HIVEP3: variants seen among roughly 807,000 people sequenced by gnomAD.
The protein encoded by HIVEP3 is transcription factor HIVEP3.
A neutral mutation model predicts 152.8 loss-of-function variants in HIVEP3; 49 were observed. That is an observed-to-expected ratio of 0.32 (90% CI 0.26 to 0.41). The LOEUF is 0.41. Among genes scored for constraint, HIVEP3 ranks in the 10% least tolerant of loss-of-function variants. HIVEP3 has a pLI of 1.00. For synonymous variants in HIVEP3, 1,269 were observed against 1,289.0 expected (o/e 0.98, Z 0.33); for missense variants, 2,790 against 3,103.3 (o/e 0.90, Z 2.40).
chr1:41,649,751 G>A (rs1169985461), intron 2 of HIVEP3, among the ~76,000 whole-genome samples: 1 of 152,202 alleles, frequency 6.6e-6, no homozygotes, highest in Non-Finnish European at 1.5e-5. Context: ...CCCTGGGGAT[G>A]AGTTCCAGAC....
At chr1:41,857,885 A>G (rs766567261) in intron 1 of HIVEP3, among the ~76,000 whole-genome samples, 1 of 152,188 alleles carries the variant, frequency 6.6e-6, no homozygotes, top group Non-Finnish European at 1.5e-5. Context: ...GAAAGCAAGG[A>G]CAACCTGGAT....
chr1:41,778,950 G>C lies in HIVEP3; in HGVS notation c.-800-77955C>G, dbSNP rs1326320483. Among the ~76,000 whole-genome samples the C allele has an allele frequency of 2.0e-5, 3 of 152,320 alleles. No homozygotes were observed. The South Asian group carries it at 6.2e-4, about 32-fold the overall frequency. On this transcript the variant is annotated intron_variant, in intron 1 of 8. Coordinates refer to ENST00000372583, the MANE Select transcript of HIVEP3 (RefSeq NM_024503.5). ...ATCTGAGGGAAGAGCATCACAGGTG[G>C]AGGAAACAGCATATGCATATGGCCT...
rs1228326538 is a variant in HIVEP3, at chr1:41,965,905, A to C, written n.120-47381T>G. 3.9e-5 allele frequency among the ~76,000 whole-genome samples: 6 copies of C among 152,306 alleles called. No individual in the cohort carries two copies. In the East Asian group the frequency reaches 1.2e-3, roughly 29 times the overall value. ...CTCCAGTAAAATACTCCATGAGAAG[A>C]TCAACCCCAAGACACATTATCGTCA... On this transcript the variant is annotated intron_variant and non_coding_transcript_variant, in intron 1 of 3. Coordinates refer to the HIVEP3 transcript ENST00000489103.
At chr1:41,782,170 C>A (rs1649084615) in intron 1 of HIVEP3, among the ~76,000 whole-genome samples, 1 of 152,216 alleles carries the variant, frequency 6.6e-6, no homozygotes, top group African/African-American at 2.4e-5. Flanking sequence ...ATGTGTGAAT[C>A]TTGAAGATAT....
chr1:41,527,435 A>C (rs1166436868), intron 5 of HIVEP3, among the ~76,000 whole-genome samples: 24 of 79,746 alleles, frequency 3.0e-4, no homozygotes, highest in Admixed American at 5.1e-4. Context: ...CACACTCCAC[A>C]CCCCACCCTC....
intron 1 of HIVEP3, among the ~76,000 whole-genome samples, chr1:41,866,843 G>A (rs1375304567): frequency 2.0e-5 from 3 of 152,178 alleles, no homozygotes; most frequent in Admixed American, 2.0e-4. Context: ...ACAGATCACT[G>A]AAAAATCTGG....
In HIVEP3 at chr1:41,635,497, CAT is replaced by C. The variant is rs1186486630; in HGVS notation, c.-720-6552_-720-6551del. Among the ~76,000 whole-genome samples, 163 of 116,618 alleles carry C rather than the reference CAT, an allele frequency of 1.4e-3. 12 individuals are homozygous for C. The highest frequency in any genetic ancestry group is 0.013 in the South Asian group (47 of 3,760). 76.5% of individuals were successfully genotyped at this position (116,618 alleles called of 152,430 possible). On this transcript the variant is annotated intron_variant, in intron 2 of 8. Transcript: ENST00000372583. ...ACAACTATATATATATATACACACACATATATACATATATAGCTGCATATATA... is the reference window on the plus strand; with the variant it reads ...ACAACTATATATATATATACACACACATATACATATATAGCTGCATATATA...
intron 1 of HIVEP3, among the ~76,000 whole-genome samples, chr1:41,707,645 T>TTGGGTGTA (rs1646454385): frequency 1.3e-5 from 2 of 151,948 alleles, no homozygotes; most frequent in Non-Finnish European, 2.9e-5. Flanking sequence ...GATGGTACAG[T>TTGGGTGTA]GAAGTCACTA....
rs139742433 is a variant in HIVEP3, at chr1:41,513,317, C to T, written c.5904G>A (p.Pro1968=). The T allele has an allele frequency of 5.8e-5, 93 of 1,612,978 alleles. No individual in the cohort carries two copies. The African/African-American group carries it at 7.7e-4, about 13-fold the overall frequency. The stretch of plus-strand genomic sequence containing the variant: ...TGCCTGCTTCTTTGCTTGGGGACCA[C>T]GGTCTTCTTGGGGACACAGGCTTGT... ...LSYKPVSPRR[P]WSPSKEAGSR... is the part of the protein sequence containing the mutation. The change falls in exon 8 of 9, where the codon CCG becomes CCA. Residue 1968 remains proline, a synonymous_variant. Transcript: ENST00000372583.
intron 2 of HIVEP3, among the ~76,000 whole-genome samples, chr1:41,653,158 A>T (rs1645577201): frequency 1.3e-5 from 2 of 152,096 alleles, no homozygotes; most frequent in South Asian, 4.2e-4. Flanking sequence ...GCATTTCCCC[A>T]AATGTTTTTC....
chr1:41,958,366 G>T (rs1176657004), intron 1 of HIVEP3, among the ~76,000 whole-genome samples: 1 of 152,230 alleles, frequency 6.6e-6, no homozygotes, highest in Non-Finnish European at 1.5e-5. Context: ...ACAGCTCCTG[G>T]TAGTTATTGA....
intron 3 of HIVEP3, among the ~76,000 whole-genome samples, chr1:41,595,998 G>C (rs1481873367): frequency 6.6e-6 from 1 of 152,134 alleles, no homozygotes. Context: ...AGAGAACCCT[G>C]ACTAATACAA....
chr1:41,559,419 C>T (rs1483890806), intron 5 of HIVEP3, among the ~76,000 whole-genome samples: 4 of 152,178 alleles, frequency 2.6e-5, no homozygotes, highest in Non-Finnish European at 5.9e-5. Context: ...TTTCCTATAG[C>T]CGAGGCCACC....
chr1:41,710,821 C>G (rs938701842), intron 1 of HIVEP3, among the ~76,000 whole-genome samples: 9 of 152,232 alleles, frequency 5.9e-5, no homozygotes, highest in Non-Finnish European at 1.3e-4. Context: ...AGGATGGCGG[C>G]TGATCATAGC....
At chr1:41,546,725 A>G (rs897197803) in intron 5 of HIVEP3, among the ~76,000 whole-genome samples, 5 of 152,242 alleles carry the variant, frequency 3.3e-5, no homozygotes, top group African/African-American at 1.2e-4. Flanking sequence ...CACTCCTTAC[A>G]TGCCTCCCTG....
chr1:41,733,957 C>G (rs1448309268), intron 1 of HIVEP3, among the ~76,000 whole-genome samples: 1 of 152,150 alleles, frequency 6.6e-6, no homozygotes, highest in Non-Finnish European at 1.5e-5. Context: ...CCCGCCCTCT[C>G]CCCCAGCACA....
chr1:41,831,549 A>C (rs1642965630), intron 1 of HIVEP3, among the ~76,000 whole-genome samples: 1 of 152,226 alleles, frequency 6.6e-6, no homozygotes, highest in Non-Finnish European at 1.5e-5. Flanking sequence ...TGCCAATTTC[A>C]TTATTATACC....
intron 2 of HIVEP3, among the ~76,000 whole-genome samples, chr1:41,697,796 A>G (rs1351126239): frequency 1.3e-5 from 2 of 152,160 alleles, no homozygotes; most frequent in African/African-American, 2.4e-5. Context: ...GCATTTGTGC[A>G]TTCTTATTGG....
chr1:41,617,726 C>T (rs1391844914), intron 3 of HIVEP3, among the ~76,000 whole-genome samples: 6 of 152,244 alleles, frequency 3.9e-5, no homozygotes, highest in African/African-American at 1.4e-4. Flanking sequence ...ATCTTCACCT[C>T]TCCCAAATCA....
Sources: allele counts gnomAD v4.1 joint callset (sites outside exome capture counted in the v4.1 genomes callset), GRCh38; gene constraint gnomAD v4.1.1; transcripts MANE v1.5; gene names NCBI Gene and HGNC (gene_info 2026-07-23, HGNC 2026-07-21).